Variants in DCDC1 observed in about 807,000 individuals in gnomAD.
DCDC1 encodes the protein doublecortin domain containing 1.
A neutral mutation model predicts 178.3 loss-of-function variants in DCDC1; 200 were observed. The observed-to-expected ratio is 1.12, with a 90% CI of 1.00 to 1.26. The LOEUF (loss-of-function observed/expected upper bound fraction) is 1.26, where lower values mean the gene tolerates loss of function less well. DCDC1 is among the 50% of genes most tolerant of loss of function. DCDC1 has a pLI of 0.00. For synonymous variants in DCDC1, 690 were observed against 604.8 expected, an observed-to-expected ratio of 1.14 and a Z score of -2.07; for missense variants, 1,983 against 1,749.2, an observed-to-expected ratio of 1.13 and a Z score of -2.38.
chr11:31,051,148 A>G (rs1319552357), intron 20 of DCDC1, among the ~76,000 whole-genome samples: 1 of 152,148 alleles, frequency 6.6e-6, no homozygotes, highest in Non-Finnish European at 1.5e-5. Context: ...AAATTCAGGA[A>G]AATTTGGACA....
chr11:31,093,933 C>A (rs1249147508), intron 16 of DCDC1, 117 bp downstream of exon 16: 1 of 668,098 alleles, frequency 1.5e-6, no homozygotes, highest in Non-Finnish European at 2.7e-6. Flanking sequence ...TAACAGCCAA[C>A]AATTTATCAC....
In DCDC1 at chr11:31,079,498, C is replaced by T. The variant is rs11031284; in HGVS notation, c.2238-1573G>A. Among the ~76,000 whole-genome samples, 1,172 of 152,070 alleles carry T rather than the reference C, an allele frequency of 7.7e-3. 6 individuals carry two copies. The highest frequency in any genetic ancestry group is 0.012 in the Non-Finnish European group (833 of 68,006). Reference sequence around the variant, plus strand: ...CCCAACGAGGGGGTCATGAGAATCCCGACATATAGCTGGTTGGTCAGGAGT... The same window carrying T: ...CCCAACGAGGGGGTCATGAGAATCCTGACATATAGCTGGTTGGTCAGGAGT... On this transcript the variant is annotated intron_variant, in intron 17 of 38. Transcript: ENST00000684477.
chr11:31,203,897 A>G (rs559938104), intron 9 of DCDC1, among the ~76,000 whole-genome samples: 1 of 152,356 alleles, frequency 6.6e-6, no homozygotes, highest in South Asian at 2.1e-4. Flanking sequence ...TATGTCAGAA[A>G]ACTTGTAAAA....
At chr11:31,031,445 T>G (rs1437128192) in intron 20 of DCDC1, among the ~76,000 whole-genome samples, 1 of 152,152 alleles carries the variant, frequency 6.6e-6, no homozygotes, top group African/African-American at 2.4e-5. Flanking sequence ...TATTATACTT[T>G]TTTGGAGAGA....
rs1452648341 is a variant in DCDC1 at position 30,952,574 on chromosome 11, ACAAAAGATAAAAAAC to A, written c.2592-21_2592-7del. 4 of 1,229,656 alleles carry A rather than the reference ACAAAAGATAAAAAAC, an allele frequency of 3.3e-6. No homozygotes were observed. The highest frequency in any genetic ancestry group is 4.6e-6 in the Non-Finnish European group (4 of 872,922). The allele number at this position is 1,229,656 out of a possible 1,614,324, so 76.2% of individuals were successfully genotyped here. A position where few individuals can be genotyped will look rare whatever the true frequency, so the allele number is the denominator to read the frequency against. On this transcript the variant is annotated splice_polypyrimidine_tract_variant and splice_region_variant and intron_variant, in intron 20 of 38. Coordinates refer to ENST00000684477, the MANE Select transcript of DCDC1 (RefSeq NM_001387274.1). ...CTTCATGTTTTATGGCCCACCTAAAACAAAAGATAAAAAACAAAAAGAAATTTAGCAAGGTTAAAT... is the reference window on the plus strand; with the variant it reads ...CTTCATGTTTTATGGCCCACCTAAAAAAAAAGAAATTTAGCAAGGTTAAAT...
At chr11:31,216,656 A>T (rs994496787) in intron 9 of DCDC1, among the ~76,000 whole-genome samples, 1 of 152,204 alleles carries the variant, frequency 6.6e-6, no homozygotes, top group Admixed American at 6.5e-5. Flanking sequence ...TTCATAGTTC[A>T]TGCACAGAAA....
intron 20 of DCDC1, among the ~76,000 whole-genome samples, chr11:30,974,273 CAAA>C (rs544088277): frequency 2.2e-4 from 22 of 100,254 alleles, no homozygotes; most frequent in Admixed American, 4.3e-4. Flanking sequence ...ACAGCTGCAT[CAAA>C]AAAAAAAAAA....
intron 15 of DCDC1, 130 bp downstream of exon 15, chr11:31,102,047 A>G: frequency 2.2e-6 from 1 of 459,842 alleles, no homozygotes; most frequent in South Asian, 4.3e-5. Context: ...ACTGCATTCC[A>G]CCCTGGGTGA....
chr11:31,225,289 T>A (rs1319338025), intron 9 of DCDC1, among the ~76,000 whole-genome samples: 2 of 150,630 alleles, frequency 1.3e-5, no homozygotes, highest in Non-Finnish European at 2.9e-5. Context: ...CTAAATATTT[T>A]ACATTCCCAC....
intron 9 of DCDC1, among the ~76,000 whole-genome samples, chr11:31,233,734 C>T (rs1416201606): frequency 1.3e-5 from 2 of 152,118 alleles, no homozygotes; most frequent in Middle Eastern, 3.2e-3. Flanking sequence ...CTTATCTACC[C>T]AACACCAAAT....
chr11:31,140,423 A>G (rs1438505014), intron 9 of DCDC1, among the ~76,000 whole-genome samples: 1 of 152,222 alleles, frequency 6.6e-6, no homozygotes, highest in East Asian at 1.9e-4. Flanking sequence ...ATAAGAAGGC[A>G]TCTTCAAATA....
intron 11 of DCDC1, among the ~76,000 whole-genome samples, chr11:31,113,235 T>C (rs1346293976): frequency 6.6e-6 from 1 of 152,218 alleles, no homozygotes; most frequent in East Asian, 1.9e-4. Flanking sequence ...GCACATTTTT[T>C]ACTGCATTGT....
At chr11:30,982,701 T>C (rs1179879855) in intron 20 of DCDC1, among the ~76,000 whole-genome samples, 3 of 152,008 alleles carry the variant, frequency 2.0e-5, no homozygotes, top group East Asian at 1.9e-4. Flanking sequence ...ACAGATTTGA[T>C]AGTCTTCAGC....
intron 21 of DCDC1, among the ~76,000 whole-genome samples, chr11:30,934,403 A>T (rs972990803): frequency 6.6e-6 from 1 of 152,186 alleles, no homozygotes; most frequent in Non-Finnish European, 1.5e-5. Context: ...AGGTTATAGA[A>T]GTTCCTTTTC....
intron 20 of DCDC1, among the ~76,000 whole-genome samples, chr11:31,026,309 C>G (rs1428132711): frequency 6.6e-6 from 1 of 151,676 alleles, no homozygotes; most frequent in Non-Finnish European, 1.5e-5. Context: ...ATAATGAAGA[C>G]TAAACATAGC....
intron 20 of DCDC1, among the ~76,000 whole-genome samples, chr11:30,968,711 T>TTTTATATATATATATATATA (rs760434545): frequency 8.2e-5 from 5 of 61,046 alleles, no homozygotes; most frequent in African/African-American, 3.1e-4. Flanking sequence ...ATATATCAAA[T>TTTTATATATATATATATATA]TATATATATA....
intron 28 of DCDC1, among the ~76,000 whole-genome samples, chr11:30,910,218 C>T (rs1945346845): frequency 6.6e-6 from 1 of 152,094 alleles, no homozygotes; most frequent in African/African-American, 2.4e-5. Flanking sequence ...ATCCAAATTA[C>T]CTTGGGGTCA....
chr11:31,003,241 C>T (rs929234415), intron 20 of DCDC1, among the ~76,000 whole-genome samples: 4 of 152,034 alleles, frequency 2.6e-5, no homozygotes, highest in Admixed American at 6.6e-5. Context: ...CAAGCTGCCA[C>T]GAAGCACTTT....
intron 1 of DCDC1, among the ~76,000 whole-genome samples, chr11:31,363,705 C>T (rs1156284791): frequency 6.6e-6 from 1 of 152,182 alleles, no homozygotes; most frequent in Non-Finnish European, 1.5e-5. Context: ...CTGTTTAACA[C>T]ATTTTAACCC....
Sources: allele counts gnomAD v4.1 joint callset (sites outside exome capture counted in the v4.1 genomes callset), GRCh38; gene constraint gnomAD v4.1.1; transcripts MANE v1.5; gene names NCBI Gene and HGNC (gene_info 2026-07-23, HGNC 2026-07-21).